Variants in RNF121 observed in about 807,000 individuals in gnomAD.
The protein encoded by RNF121 is E3 ubiquitin ligase RNF121.
Under a neutral mutation model 46.5 loss-of-function variants are expected in RNF121, and 21 were observed. The ratio of observed to expected loss-of-function variants is 0.45; its 90% confidence interval spans 0.32 to 0.65. The LOEUF (loss-of-function observed/expected upper bound fraction) is 0.65. RNF121 is among the 30% of genes least tolerant of loss of function. RNF121 has a pLI of 0.04. For missense variants in RNF121, 346 were observed against 416.0 expected (o/e 0.83, Z 1.46); for synonymous variants, 139 against 144.7 (o/e 0.96, Z 0.28).
intron 1 of RNF121, among the ~76,000 whole-genome samples, chr11:71,940,659 T>C (rs1236264824): frequency 6.6e-6 from 1 of 152,218 alleles, no homozygotes; most frequent in African/African-American, 2.4e-5. Flanking sequence ...ATATGCTAGA[T>C]ACTGTGCTGG....
chr11:71,990,569 C>T, intron 5 of RNF121, 28 bp from the exon 6 acceptor site: 2 of 1,611,638 alleles, frequency 1.2e-6, no homozygotes, highest in Non-Finnish European at 1.7e-6. Context: ...CAGGGTGGGT[C>T]TTTCTAGCTC....
chr11:71,946,154 A>C lies in RNF121; in HGVS notation c.64-11073A>C, dbSNP rs532641050. 1.2e-4 allele frequency among the ~76,000 whole-genome samples: 18 copies of C among 152,234 alleles called. No individual in the cohort carries two copies. The South Asian group carries it at 3.7e-3, about 32-fold the overall frequency. ...AAAGAAAAGAAAAATCCGCACAGAA[A>C]CTTATACACAAATATTGATAGGAAC... On this transcript the variant is annotated intron_variant, in intron 1 of 8. Transcript: ENST00000361756.
At chr11:71,929,536 C>G (rs1355085423) in intron 1 of RNF121, among the ~76,000 whole-genome samples, 1 of 152,106 alleles carries the variant, frequency 6.6e-6, no homozygotes. Context: ...GGGTTGGGGA[C>G]ACAGACCGGG....
intron 2 of RNF121, among the ~76,000 whole-genome samples, chr11:71,957,887 A>G (rs1590787187): frequency 1.3e-5 from 2 of 152,214 alleles, no homozygotes; most frequent in African/African-American, 2.4e-5. Context: ...TGACTGACCA[A>G]TGAGGTGATA....
intron 3 of RNF121, among the ~76,000 whole-genome samples, chr11:71,982,453 A>G (rs970860357): frequency 2.6e-5 from 4 of 152,148 alleles, no homozygotes; most frequent in Non-Finnish European, 4.4e-5. Context: ...GCACTCCTCA[A>G]AAGGATGGAC....
intron 6 of RNF121, 99 bp downstream of exon 6, chr11:71,990,816 A>G: frequency 1.4e-6 from 2 of 1,414,722 alleles, no homozygotes; most frequent in South Asian, 1.3e-5. Context: ...CTAGGGTGAG[A>G]TAAGCCACAT....
intron 1 of RNF121, among the ~76,000 whole-genome samples, chr11:71,935,989 A>G (rs1953396769): frequency 6.6e-6 from 1 of 151,420 alleles, no homozygotes; most frequent in Admixed American, 6.6e-5. Flanking sequence ...CTGGGACTAC[A>G]GGTGTGTGCC....
At chr11:71,955,815 T>TC (rs1953978091) in intron 1 of RNF121, among the ~76,000 whole-genome samples, 1 of 152,142 alleles carries the variant, frequency 6.6e-6, no homozygotes, top group South Asian at 2.1e-4. Flanking sequence ...CTCCCATGTG[T>TC]CCCCTCAGAG....
intron 3 of RNF121, among the ~76,000 whole-genome samples, chr11:71,980,224 T>C (rs1954619674): frequency 6.6e-6 from 1 of 152,224 alleles, no homozygotes; most frequent in Non-Finnish European, 1.5e-5. Context: ...TCAAGGCTCA[T>C]GGACCAGCAG....
intron 1 of RNF121, among the ~76,000 whole-genome samples, chr11:71,949,053 T>C (rs1264849169): frequency 1.3e-5 from 2 of 152,238 alleles, no homozygotes; most frequent in Non-Finnish European, 2.9e-5. Context: ...AGTCTGTCTC[T>C]CCCTACTTCT....
At chr11:71,951,095 A>G (rs1953865437) in intron 1 of RNF121, among the ~76,000 whole-genome samples, 2 of 151,918 alleles carry the variant, frequency 1.3e-5, no homozygotes, top group South Asian at 2.1e-4. Flanking sequence ...GTGGTGGTGC[A>G]TGCCTGTAAT....
chr11:71,961,311 A>C (rs566165677), intron 3 of RNF121, among the ~76,000 whole-genome samples: 20 of 152,252 alleles, frequency 1.3e-4, no homozygotes, highest in South Asian at 4.1e-4. Context: ...TTGTAATCCT[A>C]GTACTTTGGG....
At chr11:71,957,410 G>T in intron 2 of RNF121, 146 bp downstream of exon 2, 1 of 699,666 alleles carries the variant, frequency 1.4e-6, no homozygotes, top group Middle Eastern at 3.5e-4. Flanking sequence ...ATCTCTCTAA[G>T]TATCTGGGTT....
In RNF121 at chr11:71,996,367, C is replaced by A; in HGVS notation, c.*52C>A. 2 of 1,597,758 alleles carry A rather than the reference C, an allele frequency of 1.3e-6. No homozygotes were observed. Among genetic ancestry groups the A allele is most frequent in the Admixed American group, 1.7e-5 (1 of 59,056 alleles). On this transcript the variant is annotated 3_prime_UTR_variant, in exon 9 of 9. Transcript: ENST00000361756. ...ACCCCACACGCCATGGACCTCAGGGCACTCTCCTCCCTGCCCACAAAGACC... is the reference window on the plus strand; with the variant it reads ...ACCCCACACGCCATGGACCTCAGGGAACTCTCCTCCCTGCCCACAAAGACC...
chr11:71,934,751 G>T (rs1953361912), intron 1 of RNF121, among the ~76,000 whole-genome samples: 1 of 152,036 alleles, frequency 6.6e-6, no homozygotes, highest in South Asian at 2.1e-4. Context: ...AGTAAACAGT[G>T]GGTTCATATT....
At chr11:71,978,141 T>A in intron 3 of RNF121, 1 of 449,136 alleles carries the variant, frequency 2.2e-6, no homozygotes, top group Non-Finnish European at 4.5e-6. Flanking sequence ...GCTCAAGCGA[T>A]CCATCTGCCT....
intron 4 of RNF121, among the ~76,000 whole-genome samples, chr11:71,986,623 G>A (rs751764809): frequency 5.9e-5 from 9 of 151,946 alleles, no homozygotes; most frequent in Non-Finnish European, 1.2e-4. Context: ...ATAAAAATTA[G>A]CCGGGTGTGG....
At chr11:71,983,216 AC>A (rs1253538015) in intron 4 of RNF121, 2 of 224,448 alleles carry the variant, frequency 8.9e-6, no homozygotes, top group Non-Finnish European at 1.7e-5. Flanking sequence ...TCTTCTATGA[AC>A]CCTTCTCTGA....
At chr11:71,990,198 G>A (rs1222760837) in intron 5 of RNF121, among the ~76,000 whole-genome samples, 1 of 152,214 alleles carries the variant, frequency 6.6e-6, no homozygotes, top group East Asian at 1.9e-4. Flanking sequence ...GTGGCTAGCT[G>A]GAAGAGAGAC....
Sources: allele counts gnomAD v4.1 joint callset (sites outside exome capture counted in the v4.1 genomes callset), GRCh38; gene constraint gnomAD v4.1.1; transcripts MANE v1.5; gene names NCBI Gene and HGNC (gene_info 2026-07-23, HGNC 2026-07-21).